The following MAMDC2 variants were observed in gnomAD, a reference collection of about 807,000 sequenced individuals.
MAMDC2 encodes MAM domain containing 2, also known as MAM domain-containing protein 2.
In MAMDC2, 57 loss-of-function variants were observed where a neutral mutation model predicts 89.8. That is an observed-to-expected ratio of 0.63 (90% CI 0.51 to 0.79). The LOEUF is 0.79. Ranked by LOEUF, MAMDC2 falls within the 30% of genes least tolerant of loss-of-function variation. The pLI is 0.00. For synonymous variants in MAMDC2, 313 were observed against 293.4 expected (o/e 1.07, Z -0.68); for missense variants, 800 against 820.6 (o/e 0.97, Z 0.31).
At chr9:70,174,151 C>A (rs2032429583) in intron 11 of MAMDC2, among the ~76,000 whole-genome samples, 3 of 152,148 alleles carry the variant, frequency 2.0e-5, no homozygotes, top group Admixed American at 2.0e-4. Flanking sequence ...TAGAATAAGA[C>A]CTGGCATATG....
At chr9:70,109,696 C>G in intron 3 of MAMDC2, 24 bp from the exon 4 acceptor site, 1 of 1,572,848 alleles carries the variant, frequency 6.4e-7, no homozygotes, top group Admixed American at 1.7e-5. Flanking sequence ...GTCTAACTCC[C>G]CTTCTTCCCC....
At chr9:70,183,543 A>G (rs2032687974) in intron 11 of MAMDC2, among the ~76,000 whole-genome samples, 1 of 152,198 alleles carries the variant, frequency 6.6e-6, no homozygotes, top group Non-Finnish European at 1.5e-5. Context: ...TTTGGTGCAT[A>G]TATATTTAGG....
At chr9:70,125,042 G>C (rs983135152) in intron 5 of MAMDC2, among the ~76,000 whole-genome samples, 21 of 152,188 alleles carry the variant, frequency 1.4e-4, no homozygotes, top group African/African-American at 4.6e-4. Context: ...ATTATGTCAT[G>C]GAAATGAAGA....
intron 2 of MAMDC2, among the ~76,000 whole-genome samples, chr9:70,050,981 T>G (rs1826879925): frequency 6.6e-6 from 1 of 152,240 alleles, no homozygotes; most frequent in Non-Finnish European, 1.5e-5. Context: ...TGCTTTGCTT[T>G]CTGCTTCATT....
chr9:70,199,441 A>C (rs186861193), intron 11 of MAMDC2, among the ~76,000 whole-genome samples: 9,843 of 148,106 alleles, frequency 0.066, 517 homozygotes, highest in East Asian at 0.22. Context: ...TTCTTAATCC[A>C]GTCTATCATT....
At position 70,068,477 on chromosome 9, in the gene MAMDC2, G is replaced by A. The variant is rs112497947; in HGVS notation, c.148+23780G>A. On this transcript the variant is annotated intron_variant, in intron 2 of 13. Transcript: ENST00000377182. ...TCATGCCTGTAATCCCAGGACTTTG[G>A]GAGGCCATGGTGGGTAGATCACTTG... Among the ~76,000 whole-genome samples the A allele has an allele frequency of 3.4e-3, 511 of 152,204 alleles. 3 individuals are homozygous for A. Among genetic ancestry groups the A allele is most frequent in the African/African-American group, 0.01 (430 of 41,540 alleles).
intron 11 of MAMDC2, among the ~76,000 whole-genome samples, chr9:70,192,038 T>C (rs1382306397): frequency 1.3e-5 from 2 of 152,130 alleles, no homozygotes; most frequent in African/African-American, 4.8e-5. Flanking sequence ...TGTTGGTTTC[T>C]CTGCCACTTG....
chr9:70,066,742 A>C (rs549187284), intron 2 of MAMDC2, among the ~76,000 whole-genome samples: 1 of 152,308 alleles, frequency 6.6e-6, no homozygotes, highest in African/African-American at 2.4e-5. Flanking sequence ...CTTTTGCTAA[A>C]TTGCATGCTG....
At chr9:70,210,891 C>G (rs946164312) in intron 11 of MAMDC2, among the ~76,000 whole-genome samples, 1 of 152,174 alleles carries the variant, frequency 6.6e-6, no homozygotes, top group Non-Finnish European at 1.5e-5. Context: ...ACTTATGAAG[C>G]TTAGTTTGGC....
chr9:70,151,484 A>G (rs1563976524), intron 9 of MAMDC2, among the ~76,000 whole-genome samples: 1 of 152,168 alleles, frequency 6.6e-6, no homozygotes, highest in East Asian at 1.9e-4. Context: ...TGTTCAATAA[A>G]TTTTGTTTGG....
At chr9:70,097,956 G>A (rs1187382757) in intron 2 of MAMDC2, among the ~76,000 whole-genome samples, 1 of 152,116 alleles carries the variant, frequency 6.6e-6, no homozygotes, top group East Asian at 1.9e-4. Flanking sequence ...AACATGCACT[G>A]AAAAGACATA....
chr9:70,214,495 G>A (rs891712344), intron 11 of MAMDC2, among the ~76,000 whole-genome samples: 2 of 152,194 alleles, frequency 1.3e-5, no homozygotes, highest in Non-Finnish European at 2.9e-5. Context: ...ACTGTATGGG[G>A]TTCTAAAGCC....
intron 5 of MAMDC2, among the ~76,000 whole-genome samples, chr9:70,116,023 G>T (rs372755229): frequency 1.3e-5 from 2 of 152,180 alleles, no homozygotes; most frequent in African/African-American, 4.8e-5. Flanking sequence ...ATCTTGAAAG[G>T]CTGATGCATC....
At chr9:70,134,712 C>A (rs1377903439) in intron 7 of MAMDC2, among the ~76,000 whole-genome samples, 1 of 152,186 alleles carries the variant, frequency 6.6e-6, no homozygotes, top group East Asian at 1.9e-4. Context: ...TAGGCTACAG[C>A]TAAGGTTGCC....
chr9:70,074,782 G>A (rs991002662), intron 2 of MAMDC2, among the ~76,000 whole-genome samples: 1 of 152,208 alleles, frequency 6.6e-6, no homozygotes, highest in African/African-American at 2.4e-5. Context: ...GATCCTGGAA[G>A]TAATGAAAAA....
At chr9:70,165,101 A>G (rs1229143946) in intron 9 of MAMDC2, among the ~76,000 whole-genome samples, 1 of 152,100 alleles carries the variant, frequency 6.6e-6, no homozygotes, top group African/African-American at 2.4e-5. Flanking sequence ...TGCTTTTAAG[A>G]AAGATCTATA....
At position 70,095,626 on chromosome 9, in the gene MAMDC2, G is replaced by A. The variant is rs1032128986; in HGVS notation, c.149-12585G>A. 5.9e-5 allele frequency among the ~76,000 whole-genome samples: 9 copies of A among 152,256 alleles called. No homozygotes were observed. In the South Asian group the frequency reaches 1.9e-3, roughly 32 times the overall value. ...TTAAGTGCCTATGGCATGTCCATGT[G>A]GAGATGCCCAACAGAAAGATACATG... On this transcript the variant is annotated intron_variant, in intron 2 of 13. Coordinates refer to ENST00000377182, the MANE Select transcript of MAMDC2 (RefSeq NM_153267.5).
intron 2 of MAMDC2, among the ~76,000 whole-genome samples, chr9:70,089,814 T>TA (rs1291756867): frequency 2.0e-5 from 3 of 152,328 alleles, no homozygotes; most frequent in African/African-American, 7.2e-5. Context: ...ATTTAGTGAT[T>TA]AGCACATGAC....
intron 2 of MAMDC2, among the ~76,000 whole-genome samples, chr9:70,049,199 G>C (rs1179153549): frequency 6.6e-6 from 1 of 152,082 alleles, no homozygotes; most frequent in Non-Finnish European, 1.5e-5. Flanking sequence ...CTACAGGGTT[G>C]GGCATCATGA....
Sources: gnomAD v4.1 joint callset for allele counts (sites outside exome capture counted in the v4.1 genomes callset) on GRCh38, gnomAD v4.1.1 for gene constraint, MANE v1.5 for transcripts, NCBI Gene and HGNC (gene_info 2026-07-23, HGNC 2026-07-21) for gene names.